SCN1B: variants seen among roughly 807,000 people sequenced by gnomAD.
SCN1B encodes sodium channel regulatory subunit beta-1.
In SCN1B, 11 loss-of-function variants were observed where a neutral mutation model predicts 25.7. The observed-to-expected ratio is 0.43, with a 90% CI of 0.27 to 0.71. The LOEUF (loss-of-function observed/expected upper bound fraction) is 0.71. Ranked by LOEUF, SCN1B falls within the 30% of genes least tolerant of loss-of-function variation. The probability of loss-of-function intolerance (pLI) is 0.21; values close to 1 mark genes in which losing one functional copy is unlikely to be tolerated. For synonymous variants in SCN1B, 119 were observed against 117.5 expected (o/e 1.01, Z -0.08); for missense variants, 224 against 291.5 (o/e 0.77, Z 1.69).
chr19:35,039,424 G>C (rs1405575977), intron 4 of SCN1B, 166 bp downstream of exon 4: 5 of 1,062,362 alleles, frequency 4.7e-6, no homozygotes, highest in Non-Finnish European at 5.6e-6. Context: ...GATAGGGGTC[G>C]TCAGACCCAG....
rs959703607 is a variant in SCN1B, at chr19:35,033,749, G to T, written c.448+10G>T. ...GAGGTAGTGGACAAAGGTGAGTCGG[G>T]TGCTGCCTGCCCCTTTACCGTCACC... On this transcript the variant is annotated intron_variant, in intron 3 of 5. Coordinates refer to ENST00000262631, the MANE Select transcript of SCN1B (RefSeq NM_001037.5). 1 of 1,614,080 alleles carries T rather than the reference G, an allele frequency of 6.2e-7. No homozygotes were observed. Among genetic ancestry groups the T allele is most frequent in the Admixed American group, 1.7e-5 (1 of 60,018 alleles).
chr19:35,036,298 A>G (rs927588630), intron 3 of SCN1B: 2 of 152,090 alleles, frequency 1.3e-5, no homozygotes, highest in African/African-American at 4.8e-5. Context: ...ATGTAAAAAT[A>G]TTCCATTCTA....
In SCN1B at chr19:35,030,560, GCGCCAGCGCAGCAGCCCGA is replaced by G. The variant is rs1425634674; in HGVS notation, c.-260_-242del. The stretch of plus-strand genomic sequence containing the variant: ...ACCTAGCGGATGTGCCCGGCTGCGC[GCGCCAGCGCAGCAGCCCGA>G]GCAGCGGCCGCCGCCCGCGCGGCGG... On this transcript the variant is annotated 5_prime_UTR_variant, in exon 1 of 6. The change abolishes the stop of an existing upstream ORF in the 5' untranslated region. Transcript: ENST00000262631. The G allele has an allele frequency of 1.3e-5, 2 of 149,628 alleles. No individual in the cohort carries two copies. The highest frequency in any genetic ancestry group is 4.9e-5 in the African/African-American group (2 of 40,932). 9.3% of individuals were successfully genotyped at this position (149,628 alleles called of 1,614,324 possible). A position where few individuals can be genotyped will look rare whatever the true frequency, so the allele number is the denominator to read the frequency against.
In SCN1B at chr19:35,032,058, C is replaced by T. The variant is rs936532155; in HGVS notation, c.41-470C>T. Among the ~76,000 whole-genome samples the T allele has an allele frequency of 2.0e-5, 3 of 152,150 alleles. No homozygotes were observed. The highest frequency in any genetic ancestry group is 7.2e-5 in the African/African-American group (3 of 41,434). ...ATCCCCCACCCCCAGACCTTTTCTC[C>T]CAACCCATTTCTCCTGGAGCTAGCT... is the stretch of plus-strand genomic sequence containing the variant. On this transcript the variant is annotated intron_variant, in intron 1 of 5. Coordinates refer to ENST00000262631, the MANE Select transcript of SCN1B (RefSeq NM_001037.5). The surrounding 1 kb of genome is among the most constrained non-coding windows in gnomAD (Gnocchi z 4.3).
In SCN1B at chr19:35,039,666, A is replaced by C. The variant is rs2151749056; in HGVS notation, c.622A>C (p.Lys208Gln). 6.2e-7 allele frequency: 1 copy of C among 1,614,190 alleles called. No homozygotes were observed. Residue 208 changes from lysine to glutamine, a missense_variant, in exon 5 of 6, where the codon AAA (lysine) becomes CAA (glutamine). Physicochemically the swap from Lys to Gln is moderately conservative, Grantham distance 53. Coordinates refer to ENST00000262631, the MANE Select transcript of SCN1B (RefSeq NM_001037.5). ...ATACCTGGCCATCACCTCTGAAAGC[A>C]AAGAGAACTGCACGGGCGTCCAGGT... is the stretch of plus-strand genomic sequence containing the variant. ...SEYLAITSES[K>Q]ENCTGVQVAE
chr19:35,039,955 C>T lies in SCN1B; in HGVS notation c.*164C>T, dbSNP rs1385875900. On this transcript the variant is annotated 3_prime_UTR_variant, in exon 6 of 6. Transcript: ENST00000262631. ...GAGGGGGCAGGGGGCTTGGCTCGCA[C>T]CCCCACTTTCGCCTCCTCCAGCTCC... is the stretch of plus-strand genomic sequence containing the variant. 1.0e-5 allele frequency: 6 copies of T among 571,540 alleles called. No individual in the cohort carries two copies. In the African/African-American group the frequency reaches 1.1e-4, roughly 11 times the overall value. 35.4% of individuals were successfully genotyped at this position (571,540 alleles called of 1,614,324 possible).
At chr19:35,033,085 G>A (rs1409200244) in intron 2 of SCN1B, among the ~76,000 whole-genome samples, 1 of 152,150 alleles carries the variant, frequency 6.6e-6, no homozygotes, top group Non-Finnish European at 1.5e-5. Flanking sequence ...AACTATGTGT[G>A]TATTTTGCAT....
chr19:35,034,146 C>T (rs1236969882), intron 3 of SCN1B: 2 of 1,550,788 alleles, frequency 1.3e-6, no homozygotes, highest in Admixed American at 3.9e-5. Flanking sequence ...GCTGCAGGCA[C>T]ACGCCTGGCT....
In SCN1B at chr19:35,033,687, C is replaced by T. The variant is rs181115510; in HGVS notation, c.396C>T (p.Tyr132=). The part of the protein sequence containing the change: ...HVYRLLFFEN[Y]EHNTSVVKKI... ...ACCGCCTGCTCTTCTTCGAAAACTA[C>T]GAGCACAACACCAGCGTCGTCAAGA... is the stretch of plus-strand genomic sequence containing the variant. Residue 132 remains tyrosine, a synonymous_variant, in exon 3 of 6, where the codon TAC becomes TAT. Coordinates refer to ENST00000262631, the MANE Select transcript of SCN1B (RefSeq NM_001037.5). 1.1e-5 allele frequency: 17 copies of T among 1,614,188 alleles called. No homozygotes were observed. Among genetic ancestry groups the T allele is most frequent in the Middle Eastern group, 3.3e-4 (2 of 6,062 alleles).
At chr19:35,039,527 C>A in intron 4 of SCN1B, 108 bp from the exon 5 acceptor site, 1 of 1,161,700 alleles carries the variant, frequency 8.6e-7, no homozygotes, top group Non-Finnish European at 1.3e-6. Flanking sequence ...CTCTCTCTAA[C>A]TAAGGAGCCC....
Position 35,030,843 on chromosome 19 carries a change from T to C in SCN1B, c.23T>C (p.Val8Ala), listed in dbSNP as rs786205833. 13 of 1,007,018 alleles carry C rather than the reference T, an allele frequency of 1.3e-5. No individual in the cohort carries two copies. Among genetic ancestry groups the C allele is most frequent in the Non-Finnish European group, 1.5e-5 (12 of 805,636 alleles). The allele number at this position is 1,007,018 out of a possible 1,614,324, so 62.4% of individuals were successfully genotyped here. A position where few individuals can be genotyped will look rare whatever the true frequency, so the allele number is the denominator to read the frequency against. Residue 8 changes from valine to alanine, a missense_variant, in exon 1 of 6, where the codon GTG (valine) becomes GCG (alanine). Transcript: ENST00000262631. MGRLLAL[V>A]VGAALVSSAC... ...GCCATGGGGAGGCTGCTGGCCTTAG[T>C]GGTCGGCGCGGCACTGGGTGAGTGC...
In SCN1B at chr19:35,032,749, G is replaced by A. The variant is rs147990128; in HGVS notation, c.207+55G>A. ...GGGCAGGGGTCCACGAGTGGGAGGC[G>A]GTGGGGCTGGATCTCAGGGAGGGGG... On this transcript the variant is annotated intron_variant, in intron 2 of 5. Coordinates refer to ENST00000262631, the MANE Select transcript of SCN1B (RefSeq NM_001037.5). This position sits in a 1 kb window ranked among gnomAD's most constrained non-coding sequence, Gnocchi z 4.3. 2.4e-3 allele frequency: 3,758 copies of A among 1,583,814 alleles called. 20 individuals carry two copies. Among genetic ancestry groups the A allele is most frequent in the Non-Finnish European group, 1.9e-3 (2,162 of 1,157,176 alleles).
chr19:35,034,042 G>A lies in SCN1B; in HGVS notation c.448+303G>A, dbSNP rs193922728. ...GTGCCTTCTGTCTCTGAGCCAAAGG[G>A]TTGTCCTGGGCTTGCCCGGGATAAT... On this transcript the variant is annotated intron_variant, in intron 3 of 5. Coordinates refer to ENST00000262631, the MANE Select transcript of SCN1B (RefSeq NM_001037.5). The A allele has an allele frequency of 7.1e-6, 11 of 1,549,936 alleles. No individual in the cohort carries two copies. The highest frequency in any genetic ancestry group is 9.6e-6 in the Non-Finnish European group (11 of 1,145,390).
intron 3 of SCN1B, chr19:35,034,260 T>G: frequency 7.7e-7 from 1 of 1,292,016 alleles, no homozygotes; most frequent in Non-Finnish European, 1.1e-6. Flanking sequence ...GCGTGCCACC[T>G]AGAGCAGAGT....
Position 35,032,490 on chromosome 19 carries a change from G to C in SCN1B, c.41-38G>C, listed in dbSNP as rs370882059. The C allele has an allele frequency of 8.1e-6, 13 of 1,610,936 alleles. No homozygotes were observed. Among genetic ancestry groups the C allele is most frequent in the Non-Finnish European group, 1.0e-5 (12 of 1,179,630 alleles). ...GGGGTCTGGCATTGCTTAGGGCAAT[G>C]GGTGCCTCTGCCTGACCTGAGCCTG... On this transcript the variant is annotated intron_variant, in intron 1 of 5. Transcript: ENST00000262631. This position sits in a 1 kb window ranked among gnomAD's most constrained non-coding sequence, Gnocchi z 4.3.
rs67486287 is a variant in SCN1B, at chr19:35,034,040, G to A, written c.448+301G>A. 559 of 1,550,376 alleles carry A rather than the reference G, an allele frequency of 3.6e-4. 6 individuals are homozygous for A. The South Asian group carries it at 4.9e-3, about 14-fold the overall frequency. On this transcript the variant is annotated intron_variant, in intron 3 of 5. Transcript: ENST00000262631. ...AGGTGCCTTCTGTCTCTGAGCCAAA[G>A]GGTTGTCCTGGGCTTGCCCGGGATA...
At position 35,033,506 on chromosome 19, in the gene SCN1B, G is replaced by A. The variant is rs770751961; in HGVS notation, c.215G>A (p.Arg72His). 6 of 1,613,884 alleles carry A rather than the reference G, an allele frequency of 3.7e-6. No homozygotes were observed. The highest frequency in any genetic ancestry group is 1.1e-5 in the South Asian group (1 of 91,074). The change falls in exon 3 of 6, where the codon CGC becomes CAC. Residue 72 changes from arginine (R) to histidine (H), a missense_variant. This residue lies in a region of SCN1B where 126 missense variants were observed against 204.9 expected (regional missense o/e 0.61). Coordinates refer to ENST00000262631, the MANE Select transcript of SCN1B (RefSeq NM_001037.5). Reference sequence around the variant, plus strand: ...CTCCCTGGCTACCCCTAGATCCTGCGCTATGAGAATGAGGTGTTGCAGCTG... The same window carrying A: ...CTCCCTGGCTACCCCTAGATCCTGCACTATGAGAATGAGGTGTTGCAGCTG... ...KGTEEFVKIL[R>H]YENEVLQLEE...
rs1224278828 is a variant in SCN1B at position 35,032,995 on chromosome 19, G to A, written c.207+301G>A. ...GGTTGGCATGAAATAAATGTCAGTG[G>A]ACTTATTTGGCACCAGCAAACAATG... On this transcript the variant is annotated intron_variant, in intron 2 of 5. Transcript: ENST00000262631. This position sits in a 1 kb window ranked among gnomAD's most constrained non-coding sequence, Gnocchi z 4.3. Among the ~76,000 whole-genome samples the A allele has an allele frequency of 1.3e-5, 2 of 152,176 alleles. No individual in the cohort carries two copies. The highest frequency in any genetic ancestry group is 2.9e-5 in the Non-Finnish European group (2 of 68,038).
At chr19:35,038,947 T>C in intron 3 of SCN1B, 170 bp from the exon 4 acceptor site, 1 of 760,224 alleles carries the variant, frequency 1.3e-6, no homozygotes, top group Non-Finnish European at 2.3e-6. Context: ...GGAGGCAGGT[T>C]GAGGGTGACC....
Sources: gnomAD v4.1 joint callset for allele counts (sites outside exome capture counted in the v4.1 genomes callset) on GRCh38, gnomAD v4.1.1 for gene constraint, gnomAD v4.1.1 regional missense constraint, Gnocchi (gnomAD v3.1) non-coding constraint, MANE v1.5 for transcripts, NCBI Gene and HGNC (gene_info 2026-07-23, HGNC 2026-07-21) for gene names.